SLC16A2: variants seen among roughly 807,000 people sequenced by gnomAD.
SLC16A2 encodes monocarboxylate transporter 8.
SLC16A2 carries 3 observed loss-of-function variants against 27.2 expected under a neutral mutation model. The ratio of observed to expected loss-of-function variants is 0.11; its 90% CI spans 0.05 to 0.28. The LOEUF is 0.28. Ranked by LOEUF, SLC16A2 falls within the 10% of genes least tolerant of loss-of-function variation. The pLI is 1.00. For synonymous variants in SLC16A2, 202 were observed against 187.8 expected, an observed-to-expected ratio of 1.08 and a Z score of -0.62; for missense variants, 295 against 458.5, an observed-to-expected ratio of 0.64 and a Z score of 3.26.
chrX:74,531,617 T>G lies in SLC16A2; in HGVS notation c.*64T>G. ...CCCTTCATCCCACCCTGCTCAGCAT[T>G]TACATTTTTGCCACCAGCACACTTG... On this transcript the variant is annotated 3_prime_UTR_variant, in exon 6 of 6. Coordinates refer to ENST00000587091, the MANE Select transcript of SLC16A2 (RefSeq NM_006517.5). The G allele has an allele frequency of 1.1e-6, 1 of 950,109 alleles. No individual in the cohort carries two copies. Among genetic ancestry groups the G allele is most frequent in the Non-Finnish European group, 1.5e-6 (1 of 659,276 alleles). The allele number at this position is 950,109 out of a possible 1,213,427, so 78.3% of individuals were successfully genotyped here. A position where few individuals can be genotyped will look rare whatever the true frequency, so the allele number is the denominator to read the frequency against.
intron 1 of SLC16A2, among the ~76,000 whole-genome samples, chrX:74,427,811 G>GCGCACACA (rs1459240575): frequency 1.8e-4 from 18 of 101,726 alleles, no homozygotes; most frequent in African/African-American, 6.4e-4. Flanking sequence ...GCACGCGCGC[G>GCGCACACA]CACACACACA....
At chrX:74,452,986 T>A (rs995470622) in intron 1 of SLC16A2, among the ~76,000 whole-genome samples, 2 of 110,620 alleles carry the variant, frequency 1.8e-5, no homozygotes, top group African/African-American at 6.6e-5. Flanking sequence ...CTCCTAGGTA[T>A]CTCTCACACA....
intron 2 of SLC16A2, 59 bp from the exon 3 acceptor site, chrX:74,524,300 G>A (rs1930454626): frequency 1.4e-5 from 16 of 1,137,093 alleles, no homozygotes; most frequent in Non-Finnish European, 1.9e-5. Context: ...GCTGACAGGG[G>A]AGGGCAGGTA....
intron 1 of SLC16A2, among the ~76,000 whole-genome samples, chrX:74,479,747 C>T (rs1040760112): frequency 2.7e-5 from 3 of 112,019 alleles, no homozygotes; most frequent in Admixed American, 9.5e-5. Context: ...GCCGGAGGTC[C>T]ACTCCAGACC....
At chrX:74,471,462 T>G (rs1929355150) in intron 1 of SLC16A2, among the ~76,000 whole-genome samples, 1 of 111,872 alleles carries the variant, frequency 8.9e-6, no homozygotes, top group South Asian at 3.7e-4. Flanking sequence ...TGGAAAACCT[T>G]TGCCCATTTG....
At chrX:74,467,067 CAGAG>C (rs34799718) in intron 1 of SLC16A2, among the ~76,000 whole-genome samples, 1 of 111,335 alleles carries the variant, frequency 9.0e-6, no homozygotes, top group Admixed American at 9.6e-5. Flanking sequence ...AGCTCTCTGC[CAGAG>C]AGAGAGGTAT....
chrX:74,494,426 C>A (rs1419092551), intron 1 of SLC16A2, among the ~76,000 whole-genome samples: 1 of 111,361 alleles, frequency 9.0e-6, no homozygotes, highest in East Asian at 2.8e-4. Flanking sequence ...AAGACAAGAA[C>A]CCCTTTCAGC....
At chrX:74,474,700 A>G (rs1280641793) in intron 1 of SLC16A2, among the ~76,000 whole-genome samples, 1 of 110,078 alleles carries the variant, frequency 9.1e-6, no homozygotes, top group Non-Finnish European at 1.9e-5. Context: ...TCATTGTTCA[A>G]TTCCCACCTA....
chrX:74,467,546 T>C (rs1449367785), intron 1 of SLC16A2, among the ~76,000 whole-genome samples: 3 of 111,534 alleles, frequency 2.7e-5, no homozygotes, highest in Non-Finnish European at 3.8e-5. Flanking sequence ...TTTTGGAGCT[T>C]GAAGGCTGTG....
chrX:74,472,064 A>G (rs1275456474), intron 1 of SLC16A2, among the ~76,000 whole-genome samples: 1 of 112,164 alleles, frequency 8.9e-6, no homozygotes, highest in Non-Finnish European at 1.9e-5. Context: ...CATTTTGTTT[A>G]TCCAATCATC....
intron 1 of SLC16A2, among the ~76,000 whole-genome samples, chrX:74,508,520 T>C (rs1569297251): frequency 8.9e-6 from 1 of 112,471 alleles, no homozygotes; most frequent in Non-Finnish European, 1.9e-5. Context: ...ATACAATTTG[T>C]TTTTGTATAT....
At chrX:74,519,488 C>T (rs756977671) in intron 1 of SLC16A2, among the ~76,000 whole-genome samples, 15 of 103,113 alleles carry the variant, frequency 1.5e-4, no homozygotes, top group East Asian at 3.3e-4. Context: ...TGATCATCAG[C>T]GGATCACAAG....
At chrX:74,488,219 T>C (rs1205328213) in intron 1 of SLC16A2, among the ~76,000 whole-genome samples, 1 of 111,532 alleles carries the variant, frequency 9.0e-6, no homozygotes. Context: ...ATATGACACA[T>C]ATAAAGATAG....
chrX:74,469,559 G>T (rs182546264), intron 1 of SLC16A2, among the ~76,000 whole-genome samples: 1 of 111,340 alleles, frequency 9.0e-6, no homozygotes, highest in Non-Finnish European at 1.9e-5. Flanking sequence ...TTTATTTGCA[G>T]TTCCTTGACG....
intron 1 of SLC16A2, among the ~76,000 whole-genome samples, chrX:74,479,027 G>C (rs1442769572): frequency 5.4e-5 from 6 of 111,373 alleles, no homozygotes; most frequent in Non-Finnish European, 1.1e-4. Flanking sequence ...GTGAATGTTG[G>C]CCTGCCTTGC....
At chrX:74,425,455 A>T (rs1226942385) in intron 1 of SLC16A2, among the ~76,000 whole-genome samples, 1 of 110,922 alleles carries the variant, frequency 9.0e-6, no homozygotes, top group Non-Finnish European at 1.9e-5. Flanking sequence ...AAAGATCAGG[A>T]GGGAAATGAG....
chrX:74,431,857 T>C (rs1282108568), intron 1 of SLC16A2, among the ~76,000 whole-genome samples: 1 of 111,561 alleles, frequency 9.0e-6, no homozygotes, highest in East Asian at 2.8e-4. Flanking sequence ...TCCATTTCTC[T>C]AAATGTTGCT....
At chrX:74,498,217 A>G (rs1286213584) in intron 1 of SLC16A2, among the ~76,000 whole-genome samples, 3 of 112,112 alleles carry the variant, frequency 2.7e-5, no homozygotes, top group Non-Finnish European at 5.6e-5. Flanking sequence ...ATAGTTAGAC[A>G]ATAACCAGCC....
At chrX:74,455,005 A>G (rs868079541) in intron 1 of SLC16A2, among the ~76,000 whole-genome samples, 3 of 112,294 alleles carry the variant, frequency 2.7e-5, no homozygotes, top group Non-Finnish European at 5.6e-5. Flanking sequence ...GCTGACTCAC[A>G]CAAGTGGGCA....
Sources: allele counts gnomAD v4.1 joint callset (sites outside exome capture counted in the v4.1 genomes callset), GRCh38; gene constraint gnomAD v4.1.1; transcripts MANE v1.5; gene names NCBI Gene and HGNC (gene_info 2026-07-23, HGNC 2026-07-21).